The following RBFOX1 variants were observed in gnomAD, a reference collection of about 807,000 sequenced individuals.
RBFOX1 encodes RNA binding protein fox-1 homolog 1.
In RBFOX1, 8 loss-of-function variants were observed where a neutral mutation model predicts 57.7. The ratio of observed to expected loss-of-function variants is 0.14; its 90% CI spans 0.08 to 0.25. RBFOX1 has a LOEUF of 0.25. RBFOX1 is among the 10% of genes least tolerant of loss of function. RBFOX1 has a pLI of 1.00. For synonymous variants in RBFOX1, 326 were observed against 222.4 expected (o/e 1.47, Z -4.15); for missense variants, 611 against 548.5 (o/e 1.11, Z -1.14).
intron 4 of RBFOX1, among the ~76,000 whole-genome samples, chr16:7,363,461 C>T (rs946331725): frequency 2.0e-5 from 3 of 151,744 alleles, no homozygotes; most frequent in African/African-American, 4.8e-5. Flanking sequence ...CAGATTCAAT[C>T]CTTCCTCCGA....
chr16:7,396,556 G>C (rs2098142009), intron 4 of RBFOX1, among the ~76,000 whole-genome samples: 1 of 152,144 alleles, frequency 6.6e-6, no homozygotes, highest in South Asian at 2.1e-4. Context: ...CTCACGTGCT[G>C]AGTTCTCATT....
chr16:5,387,049 C>T (rs964907284), intron 1 of RBFOX1, among the ~76,000 whole-genome samples: 9 of 152,084 alleles, frequency 5.9e-5, no homozygotes, highest in African/African-American at 1.9e-4. Flanking sequence ...GAAACTCCAT[C>T]TCAAAAAAAT....
intron 3 of RBFOX1, among the ~76,000 whole-genome samples, chr16:5,622,611 A>G (rs1232601585): frequency 8.5e-5 from 13 of 152,232 alleles, no homozygotes; most frequent in East Asian, 1.9e-4. Flanking sequence ...TTCAGCCCAT[A>G]GGCCAAATCC....
intron 3 of RBFOX1, among the ~76,000 whole-genome samples, chr16:6,815,113 T>C (rs1000854163): frequency 6.6e-6 from 1 of 152,140 alleles, no homozygotes; most frequent in Non-Finnish European, 1.5e-5. Context: ...TTTCCGACCA[T>C]ATAGCGTAAC....
At chr16:6,331,641 A>G (rs564826649) in intron 2 of RBFOX1, among the ~76,000 whole-genome samples, 1 of 150,064 alleles carries the variant, frequency 6.7e-6, no homozygotes, top group African/African-American at 2.5e-5. Flanking sequence ...CTGTTAATCT[A>G]TCTTCTGTTT....
At chr16:7,340,883 C>G (rs1320432522) in intron 4 of RBFOX1, among the ~76,000 whole-genome samples, 1 of 152,150 alleles carries the variant, frequency 6.6e-6, no homozygotes, top group Non-Finnish European at 1.5e-5. Context: ...CAGCAGCCAT[C>G]TGTCATTTTG....
chr16:7,660,788 A>C (rs1267291653), intron 12 of RBFOX1, among the ~76,000 whole-genome samples: 1 of 152,196 alleles, frequency 6.6e-6, no homozygotes, highest in Non-Finnish European at 1.5e-5. Flanking sequence ...CATGGGGCCC[A>C]GCCATCTGTG....
chr16:6,157,211 G>A (rs530413889), intron 1 of RBFOX1, among the ~76,000 whole-genome samples: 78 of 151,878 alleles, frequency 5.1e-4, no homozygotes, highest in Non-Finnish European at 9.0e-4. Flanking sequence ...CCTTTAAAGT[G>A]TACAAATAAA....
At chr16:6,663,202 C>G (rs2098712043) in intron 3 of RBFOX1, among the ~76,000 whole-genome samples, 1 of 152,046 alleles carries the variant, frequency 6.6e-6, no homozygotes, top group South Asian at 2.1e-4. Flanking sequence ...CTGGATAAGT[C>G]CTATCCACAT....
chr16:7,610,349 G>T (rs1488083242), intron 10 of RBFOX1, among the ~76,000 whole-genome samples: 1 of 151,166 alleles, frequency 6.6e-6, no homozygotes, highest in Non-Finnish European at 1.5e-5. Flanking sequence ...TTGAACTTCT[G>T]ACCTCAAGTG....
intron 3 of RBFOX1, among the ~76,000 whole-genome samples, chr16:6,896,214 A>C (rs1042730694): frequency 2.0e-5 from 3 of 152,194 alleles, no homozygotes; most frequent in Non-Finnish European, 4.4e-5. Context: ...CGAAGGTTGT[A>C]GTGAGCAGAG....
intron 4 of RBFOX1, among the ~76,000 whole-genome samples, chr16:7,091,123 C>T (rs1289580149): frequency 8.6e-5 from 9 of 105,104 alleles, no homozygotes; most frequent in East Asian, 2.8e-4. Context: ...ATAACCTTTT[C>T]GTTTCTCTTT....
intron 1 of RBFOX1, among the ~76,000 whole-genome samples, chr16:5,417,662 G>A (rs2067196814): frequency 6.6e-6 from 1 of 152,182 alleles, no homozygotes; most frequent in South Asian, 2.1e-4. Flanking sequence ...ATCTGGGGAA[G>A]GCCTGCCATT....
chr16:6,085,784 G>A (rs1254848286), intron 1 of RBFOX1, among the ~76,000 whole-genome samples: 1 of 152,036 alleles, frequency 6.6e-6, no homozygotes, highest in Non-Finnish European at 1.5e-5. Context: ...AATTTTTTCC[G>A]AACTCCATCT....
intron 2 of RBFOX1, among the ~76,000 whole-genome samples, chr16:5,573,225 A>G (rs896801302): frequency 6.6e-6 from 1 of 152,116 alleles, no homozygotes; most frequent in African/African-American, 2.4e-5. Flanking sequence ...GGTGTGAGCA[A>G]TGCAAAAAGG....
chr16:6,817,146 G>A (rs78239511), intron 3 of RBFOX1, among the ~76,000 whole-genome samples: 2,830 of 152,220 alleles, frequency 0.019, 79 homozygotes, highest in African/African-American at 0.064. Context: ...GCTGCAACCT[G>A]CTGAGTAAAG....
intron 3 of RBFOX1, among the ~76,000 whole-genome samples, chr16:5,737,013 C>G (rs902437157): frequency 3.3e-5 from 5 of 151,470 alleles, no homozygotes; most frequent in Non-Finnish European, 7.4e-5. Flanking sequence ...CATCCTCTTT[C>G]CCTCAAGCAC....
intron 3 of RBFOX1, among the ~76,000 whole-genome samples, chr16:6,883,613 C>T (rs946202473): frequency 1.3e-5 from 2 of 152,212 alleles, no homozygotes; most frequent in Non-Finnish European, 2.9e-5. Flanking sequence ...AGCTGTTCTA[C>T]TCTGTGTTCA....
chr16:6,317,147 G>C, intron 2 of RBFOX1, 90 bp downstream of exon 2: 1 of 1,296,806 alleles, frequency 7.7e-7, no homozygotes, highest in East Asian at 2.5e-5. Flanking sequence ...CTGCAGGTTT[G>C]AAGTTGTTAC....
Sources: gnomAD v4.1 joint callset for allele counts (sites outside exome capture counted in the v4.1 genomes callset) on GRCh38, gnomAD v4.1.1 for gene constraint, MANE v1.5 for transcripts, NCBI Gene and HGNC (gene_info 2026-07-23, HGNC 2026-07-21) for gene names.